The following AEBP2 variants were observed in gnomAD, a reference collection of about 807,000 sequenced individuals.
AEBP2 encodes zinc finger protein AEBP2.
Under a neutral mutation model 50.8 loss-of-function variants are expected in AEBP2, and 10 were observed. The observed-to-expected ratio is 0.20, with a 90% CI of 0.12 to 0.33. AEBP2 has a LOEUF of 0.33. Ranked by LOEUF, AEBP2 falls within the 10% of genes least tolerant of loss-of-function variation. AEBP2 has a pLI of 1.00. For missense variants in AEBP2, 570 were observed against 688.0 expected, an observed-to-expected ratio of 0.83 and a Z score of 1.92; for synonymous variants, 296 against 261.3, an observed-to-expected ratio of 1.13 and a Z score of -1.28.
intron 3 of AEBP2, among the ~76,000 whole-genome samples, chr12:19,490,045 C>T (rs12306393): frequency 0.098 from 12,971 of 132,890 alleles, 1,044 homozygotes; most frequent in African/African-American, 0.23. Context: ...TGGAGTCTCC[C>T]TTTTTTGCCC....
chr12:19,443,713 A>G (rs1948006140), intron 1 of AEBP2, among the ~76,000 whole-genome samples: 1 of 151,954 alleles, frequency 6.6e-6, no homozygotes, highest in Non-Finnish European at 1.5e-5. Flanking sequence ...ACAGAGCAAG[A>G]CTCCATCTCA....
intron 1 of AEBP2, among the ~76,000 whole-genome samples, chr12:19,450,044 C>T (rs1431595748): frequency 6.6e-6 from 1 of 152,068 alleles, no homozygotes; most frequent in Non-Finnish European, 1.5e-5. Flanking sequence ...CTTGTCTTTA[C>T]TTTTTTTTCC....
At chr12:19,444,475 G>A (rs1716070332) in intron 1 of AEBP2, among the ~76,000 whole-genome samples, 1 of 152,236 alleles carries the variant, frequency 6.6e-6, no homozygotes, top group Non-Finnish European at 1.5e-5. Flanking sequence ...GCCCACACCT[G>A]TGATTCCAGC....
intron 3 of AEBP2, among the ~76,000 whole-genome samples, chr12:19,479,591 C>A (rs558777585): frequency 6.9e-6 from 1 of 145,724 alleles, no homozygotes; most frequent in East Asian, 2.1e-4. Context: ...GCTGTCTATC[C>A]TATTTCTTAG....
At chr12:19,487,728 G>C (rs1394229151) in intron 3 of AEBP2, among the ~76,000 whole-genome samples, 1 of 148,634 alleles carries the variant, frequency 6.7e-6, no homozygotes, top group Non-Finnish European at 1.5e-5. Flanking sequence ...AAAACATAAA[G>C]AAAAAAAAAG....
chr12:19,511,122 C>G (rs570602203), intron 5 of AEBP2, among the ~76,000 whole-genome samples: 11 of 152,172 alleles, frequency 7.2e-5, no homozygotes, highest in African/African-American at 2.6e-4. Context: ...CAGGCGTGAG[C>G]TACTGAGGAA....
intron 7 of AEBP2, 123 bp downstream of exon 7, chr12:19,514,907 C>T: frequency 8.7e-6 from 6 of 689,730 alleles, no homozygotes; most frequent in Non-Finnish European, 1.4e-5. Context: ...CTCATTACTT[C>T]CTGGCTTTTT....
In AEBP2 at chr12:19,457,329, C is replaced by T. The variant is rs1281056263; in HGVS notation, c.672-5181C>T. The stretch of plus-strand genomic sequence containing the variant: ...AGTCAGCCTGAGATGTCCCTGTAAT[C>T]ATGTTTTTGATGAAGTCTCTGTGGT... On this transcript the variant is annotated intron_variant, in intron 1 of 7. Transcript: ENST00000266508. 4.0e-6 allele frequency: 6 copies of T among 1,498,616 alleles called. No homozygotes were observed. The African/African-American group carries it at 6.9e-5, about 17-fold the overall frequency. The allele number at this position is 1,498,616 out of a possible 1,614,324, so 92.8% of individuals were successfully genotyped here.
At chr12:19,514,117 G>C (rs571271042) in intron 6 of AEBP2, among the ~76,000 whole-genome samples, 1 of 151,432 alleles carries the variant, frequency 6.6e-6, no homozygotes, top group Non-Finnish European at 1.5e-5. Flanking sequence ...CTTGTGCCTC[G>C]TTCTCCGGAG....
In AEBP2 at chr12:19,518,201, A is replaced by G. The variant is rs1949347145; in HGVS notation, c.*84A>G. 1 of 1,403,066 alleles carries G rather than the reference A, an allele frequency of 7.1e-7. No individual in the cohort carries two copies. Among genetic ancestry groups the G allele is most frequent in the South Asian group, 1.7e-5 (1 of 59,566 alleles). The allele number at this position is 1,403,066 out of a possible 1,614,324, so 86.9% of individuals were successfully genotyped here. ...ACAATGGGTTTAGGGAAAGTTGCAC[A>G]TTAGAGTCAACCCCTTCTTTTTTTT... On this transcript the variant is annotated 3_prime_UTR_variant, in exon 8 of 8. Transcript: ENST00000266508.
chr12:19,429,178 C>G (rs2095750135), intron 1 of AEBP2, among the ~76,000 whole-genome samples: 1 of 152,122 alleles, frequency 6.6e-6, no homozygotes, highest in Admixed American at 6.6e-5. Flanking sequence ...CTTCCTGTGT[C>G]CATGTGTTCT....
Position 19,439,507 on chromosome 12 carries a change from G to C in AEBP2, c.-193G>C, listed in dbSNP as rs572011099. On this transcript the variant is annotated 5_prime_UTR_variant, in exon 1 of 8. Coordinates refer to ENST00000266508, the MANE Select transcript of AEBP2 (RefSeq NM_153207.5). Reference sequence around the variant, plus strand: ...GGCGCGCAGCAGTCTCCGTGTGAGTGCGCGTAGTCGCGCGCCTGTCCCCGC... The same window carrying C: ...GGCGCGCAGCAGTCTCCGTGTGAGTCCGCGTAGTCGCGCGCCTGTCCCCGC... Among the ~76,000 whole-genome samples the C allele has an allele frequency of 2.6e-3, 401 of 152,116 alleles. 2 individuals carry two copies. Among genetic ancestry groups the C allele is most frequent in the African/African-American group, 7.5e-3 (310 of 41,544 alleles).
At chr12:19,472,027 G>T (rs1948581165) in intron 2 of AEBP2, among the ~76,000 whole-genome samples, 1 of 152,126 alleles carries the variant, frequency 6.6e-6, no homozygotes, top group Non-Finnish European at 1.5e-5. Flanking sequence ...GTCAGGATAT[G>T]CAGTAACTTC....
intron 7 of AEBP2, among the ~76,000 whole-genome samples, chr12:19,515,630 A>C (rs1434726068): frequency 6.6e-6 from 1 of 152,186 alleles, no homozygotes; most frequent in Non-Finnish European, 1.5e-5. Context: ...AGCTATCATA[A>C]AGATAGCAAA....
rs543568022 is a variant in AEBP2 at position 19,481,713 on chromosome 12, A to T, written c.987+8358A>T. Among the ~76,000 whole-genome samples the T allele has an allele frequency of 5.9e-5, 9 of 151,878 alleles. No individual in the cohort carries two copies. In the South Asian group the frequency reaches 1.9e-3, roughly 32 times the overall value. Reference sequence around the variant, plus strand: ...AGGCTGGCCTTGAACTCCTGAACTCATTTGATCTGCCTGCCTCAGCCTCCC... The same window carrying T: ...AGGCTGGCCTTGAACTCCTGAACTCTTTTGATCTGCCTGCCTCAGCCTCCC... On this transcript the variant is annotated intron_variant, in intron 3 of 7. Coordinates refer to ENST00000266508, the MANE Select transcript of AEBP2 (RefSeq NM_153207.5).
intron 1 of AEBP2, among the ~76,000 whole-genome samples, chr12:19,406,354 A>G (rs1258537967): frequency 6.6e-6 from 1 of 152,230 alleles, no homozygotes; most frequent in African/African-American, 2.4e-5. Flanking sequence ...ACAAAAATGT[A>G]TAATGACATG....
Position 19,520,049 on chromosome 12 carries a change from TTTG to T in AEBP2, c.*1935_*1937del, listed in dbSNP as rs1364062906. The T allele has an allele frequency of 6.6e-6, 1 of 152,610 alleles. No individual in the cohort carries two copies. The highest frequency in any genetic ancestry group is 1.9e-4 in the East Asian group (1 of 5,200). The allele number at this position is 152,610 out of a possible 1,614,324, so 9.5% of individuals were successfully genotyped here. ...ATCTGCGAAGTAATCTGCAATCTCT[TTTG>T]TTCTTTTTAAAATTTGATTTGTTAT... On this transcript the variant is annotated 3_prime_UTR_variant, in exon 8 of 8. Transcript: ENST00000266508.
At chr12:19,468,890 T>C (rs1176041255) in intron 2 of AEBP2, among the ~76,000 whole-genome samples, 1 of 152,208 alleles carries the variant, frequency 6.6e-6, no homozygotes, top group Admixed American at 6.5e-5. Context: ...ACATCTTACA[T>C]GTAAGGAACT....
chr12:19,411,376 C>T (rs1411749369), intron 1 of AEBP2, among the ~76,000 whole-genome samples: 1 of 152,222 alleles, frequency 6.6e-6, no homozygotes, highest in African/African-American at 2.4e-5. Flanking sequence ...TCCTCTACCA[C>T]ATCCCGTGCC....
Sources: gnomAD v4.1 joint callset for allele counts (sites outside exome capture counted in the v4.1 genomes callset) on GRCh38, gnomAD v4.1.1 for gene constraint, MANE v1.5 for transcripts, NCBI Gene and HGNC (gene_info 2026-07-23, HGNC 2026-07-21) for gene names.